The following MYO7A variants were observed in gnomAD, a reference collection of about 807,000 sequenced individuals.
MYO7A encodes unconventional myosin-VIIa.
A neutral mutation model predicts 263.8 loss-of-function variants in MYO7A; 210 were observed. The observed-to-expected ratio is 0.80, with a 90% CI of 0.71 to 0.89. MYO7A has a LOEUF of 0.89. Ranked by LOEUF, MYO7A falls within the 40% of genes least tolerant of loss-of-function variation. The probability of loss-of-function intolerance (pLI) is 0.00; values close to 1 mark genes in which losing one functional copy is unlikely to be tolerated. For synonymous variants in MYO7A, 1,239 were observed against 1,197.3 expected (o/e 1.03, Z -0.72); for missense variants, 2,820 against 2,968.3 (o/e 0.95, Z 1.16).
In MYO7A at chr11:77,136,463, G is replaced by A. The variant is rs141627772; in HGVS notation, c.18+5811G>A. Among the ~76,000 whole-genome samples the A allele has an allele frequency of 5.4e-3, 821 of 152,146 alleles. 11 individuals carry two copies. Among genetic ancestry groups the A allele is most frequent in the African/African-American group, 0.017 (713 of 41,492 alleles). On this transcript the variant is annotated intron_variant, in intron 2 of 48. Coordinates refer to ENST00000409709, the MANE Select transcript of MYO7A (RefSeq NM_000260.4). ...GGGGACCTCTCTTTAGCCACCAGCC[G>A]CCAGACTTACTTTACAATCTCTTCC...
chr11:77,150,326 C>T (rs1555056530), intron 4 of MYO7A, among the ~76,000 whole-genome samples: 1 of 152,192 alleles, frequency 6.6e-6, no homozygotes, highest in Non-Finnish European at 1.5e-5. Flanking sequence ...AGGTCAGCTG[C>T]ATCAAGGAAC....
Position 77,211,816 on chromosome 11 carries a change from C to T in MYO7A, c.6238-5C>T. 6.2e-7 allele frequency: 1 copy of T among 1,612,902 alleles called. No individual in the cohort carries two copies. The highest frequency in any genetic ancestry group is 8.5e-7 in the Non-Finnish European group (1 of 1,178,986). On this transcript the variant is annotated splice_polypyrimidine_tract_variant and splice_region_variant and intron_variant, in intron 45 of 48. Coordinates refer to ENST00000409709, the MANE Select transcript of MYO7A (RefSeq NM_000260.4). ...AGCCCAGCCCTGACCGCCCTGTCCC[C>T]ATAGTCCATCGTCGCCTACTTCAAC...
chr11:77,213,761 G>A, intron 47 of MYO7A, 99 bp from the exon 48 acceptor site: 1 of 1,552,540 alleles, frequency 6.4e-7, no homozygotes, highest in Non-Finnish European at 8.8e-7. Context: ...CCGGCCATGG[G>A]CTCCTCTGAG....
intron 2 of MYO7A, among the ~76,000 whole-genome samples, chr11:77,141,675 G>C (rs1480894406): frequency 3.3e-5 from 5 of 152,146 alleles, no homozygotes; most frequent in Non-Finnish European, 7.4e-5. Flanking sequence ...TTCTGCCGCA[G>C]GGCCTTTGCA....
chr11:77,160,474 G>T (rs543493181), intron 11 of MYO7A, among the ~76,000 whole-genome samples, 192 bp downstream of exon 11: 1 of 152,188 alleles, frequency 6.6e-6, no homozygotes, highest in African/African-American at 2.4e-5. Context: ...AGCTCTGGCC[G>T]CCCCAGGCCC....
Position 77,156,768 on chromosome 11 carries a change from C to T in MYO7A, c.579C>T (p.Thr193=), listed in dbSNP as rs1244521245. 9 of 1,613,852 alleles carry T rather than the reference C, an allele frequency of 5.6e-6. No individual in the cohort carries two copies. In the South Asian group the frequency reaches 6.6e-5, roughly 12 times the overall value. Reference sequence around the variant, plus strand: ...TTGAGCAGCAGGTCTTGGAGGCCACCCCCATTCTGGAAGGTAGGACCAGAG... The same window carrying T: ...TTGAGCAGCAGGTCTTGGAGGCCACTCCCATTCTGGAAGGTAGGACCAGAG... ...SWIEQQVLEA[T]PILEAFGNAK... is the part of the protein sequence containing the mutation. The change falls in exon 6 of 49, where the codon ACC becomes ACT. Residue 193 remains threonine (T), a synonymous_variant. Coordinates refer to ENST00000409709, the MANE Select transcript of MYO7A (RefSeq NM_000260.4).
chr11:77,195,638 G>A (rs1380234688), intron 32 of MYO7A, among the ~76,000 whole-genome samples: 1 of 152,240 alleles, frequency 6.6e-6, no homozygotes, highest in Non-Finnish European at 1.5e-5. Flanking sequence ...GACAGACATG[G>A]TTTCTGCCCT....
rs782468194 is a variant in MYO7A at position 77,183,080 on chromosome 11, G to C, written c.3298G>C (p.Glu1100Gln). 2 of 1,551,274 alleles carry C rather than the reference G, an allele frequency of 1.3e-6. No individual in the cohort carries two copies. Among genetic ancestry groups the C allele is most frequent in the East Asian group, 2.4e-5 (1 of 40,956 alleles). ...LQGEGEAQLP[E>Q]GQKKSSVRHK... ...GCTGGTCCTGCAGGCCCAGCTCCCCGAGGGCCAGAAGAAGAGCAGTGTGAG... is the reference window on the plus strand; with the variant it reads ...GCTGGTCCTGCAGGCCCAGCTCCCCCAGGGCCAGAAGAAGAGCAGTGTGAG... The change falls in exon 26 of 49, where the codon GAG becomes CAG. Residue 1100 changes from glutamate to glutamine, a missense_variant. Coordinates refer to ENST00000409709, the MANE Select transcript of MYO7A (RefSeq NM_000260.4).
chr11:77,200,032 G>C (rs1956953475), intron 35 of MYO7A, among the ~76,000 whole-genome samples: 1 of 152,206 alleles, frequency 6.6e-6, no homozygotes, highest in Non-Finnish European at 1.5e-5. Flanking sequence ...GCTTTGGGAG[G>C]CTGAGATGGG....
intron 4 of MYO7A, among the ~76,000 whole-genome samples, chr11:77,155,536 C>T (rs919158779): frequency 2.6e-5 from 4 of 152,202 alleles, no homozygotes; most frequent in Non-Finnish European, 5.9e-5. Flanking sequence ...GGCCTGGAGG[C>T]GATGGTGGGA....
intron 28 of MYO7A, 103 bp from the exon 29 acceptor site, chr11:77,189,917 G>A (rs1484613001): frequency 2.8e-6 from 4 of 1,438,276 alleles, no homozygotes; most frequent in Non-Finnish European, 3.7e-6. Flanking sequence ...AAAGCAACCT[G>A]GCCTGGAGGA....
At position 77,179,758 on chromosome 11, in the gene MYO7A, G is replaced by A; in HGVS notation, c.2391G>A (p.Leu797=). The change falls in exon 21 of 49, where the codon CTG becomes CTA. Residue 797 remains leucine, a synonymous_variant. Transcript: ENST00000409709. ...YGLMRLGFLR[L]QALHRSRKLH... ...AGATGCGTCTGGGCTTCCTGCGGCT[G>A]CAGGCCCTGCACCGCTCCCGGAAGC... 1 of 1,545,426 alleles carries A rather than the reference G, an allele frequency of 6.5e-7. No homozygotes were observed. The highest frequency in any genetic ancestry group is 8.7e-7 in the Non-Finnish European group (1 of 1,145,364).
rs377670513 is a variant in MYO7A, at chr11:77,211,909, C to G, written c.6326C>G (p.Thr2109Ser). Residue 2109 changes from threonine to serine, a missense_variant, in exon 46 of 49, where the codon ACC becomes AGC. Coordinates refer to ENST00000409709, the MANE Select transcript of MYO7A (RefSeq NM_000260.4). The stretch of plus-strand genomic sequence containing the variant: ...CTGAAGCTCATCTTCAAGTGGCCCA[C>G]CTTTGGCTCAGCCTTCTTCGAGGTG... ...AFLKLIFKWP[T>S]FGSAFFEVKQ... The G allele has an allele frequency of 1.9e-6, 3 of 1,613,948 alleles. No individual in the cohort carries two copies. Among genetic ancestry groups the G allele is most frequent in the Non-Finnish European group, 2.5e-6 (3 of 1,179,838 alleles).
At chr11:77,201,743 G>A in intron 36 of MYO7A, 105 bp downstream of exon 36, 1 of 1,251,824 alleles carries the variant, frequency 8.0e-7, no homozygotes, top group Non-Finnish European at 1.1e-6. Context: ...CATCTGTGAA[G>A]ATGATCTTGG....
Position 77,179,754 on chromosome 11 carries a change from G to A in MYO7A, c.2387G>A (p.Arg796Gln), listed in dbSNP as rs111033224. The change falls in exon 21 of 49, where the codon CGG becomes CAG. Residue 796 changes from arginine to glutamine, a missense_variant. Arg to Gln is a conservative substitution (Grantham distance 43). Coordinates refer to ENST00000409709, the MANE Select transcript of MYO7A (RefSeq NM_000260.4). ...TTGCAGATGCGTCTGGGCTTCCTGC[G>A]GCTGCAGGCCCTGCACCGCTCCCGG... ...NYGLMRLGFL[R>Q]LQALHRSRKL... 4.7e-5 allele frequency: 73 copies of A among 1,544,640 alleles called. No individual in the cohort carries two copies. The highest frequency in any genetic ancestry group is 1.6e-4 in the African/African-American group (12 of 73,218).
At position 77,162,848 on chromosome 11, in the gene MYO7A, C is replaced by T. The variant is rs569844918; in HGVS notation, c.1555-5C>T. Reference sequence around the variant, plus strand: ...TGGGCTCACAGCTGCCCCTCCACTCCCCAGGGCACAGACACCACCATGTTA... The same window carrying T: ...TGGGCTCACAGCTGCCCCTCCACTCTCCAGGGCACAGACACCACCATGTTA... On this transcript the variant is annotated splice_polypyrimidine_tract_variant and splice_region_variant and intron_variant, in intron 13 of 48. Coordinates refer to ENST00000409709, the MANE Select transcript of MYO7A (RefSeq NM_000260.4). The T allele has an allele frequency of 6.2e-7, 1 of 1,613,036 alleles. No homozygotes were observed. The highest frequency in any genetic ancestry group is 1.3e-5 in the African/African-American group (1 of 74,918).
At chr11:77,201,677 A>G (rs1476792520) in intron 36 of MYO7A, 39 bp downstream of exon 36, 2 of 1,593,076 alleles carry the variant, frequency 1.3e-6, no homozygotes, top group Non-Finnish European at 1.7e-6. Context: ...GGGAGGTGCC[A>G]TTAGACCCCT....
intron 27 of MYO7A, among the ~76,000 whole-genome samples, chr11:77,186,015 C>A (rs1171597545): frequency 6.6e-6 from 1 of 151,672 alleles, no homozygotes; most frequent in Non-Finnish European, 1.5e-5. Context: ...CTCTGCCTCC[C>A]GGGTTCAAGC....
Position 77,156,036 on chromosome 11 carries a change from G to A in MYO7A, c.415G>A (p.Asp139Asn), listed in dbSNP as rs782324007. 3 of 1,613,956 alleles carry A rather than the reference G, an allele frequency of 1.9e-6. No homozygotes were observed. Among genetic ancestry groups the A allele is most frequent in the Non-Finnish European group, 2.5e-6 (3 of 1,179,892 alleles). The change falls in exon 5 of 49, where the codon GAC becomes AAC. Residue 139 changes from aspartate to asparagine, a missense_variant. By Grantham distance (23) the Asp-to-Asn change is conservative. Transcript: ENST00000409709. ...EMPPHIFAIADNCYFNMKRNS... is the reference protein window; with the variant it reads ...EMPPHIFAIANNCYFNMKRNS... The stretch of plus-strand genomic sequence containing the variant: ...GCCCCCCCACATCTTTGCCATTGCT[G>A]ACAACTGCTACTTCAACATGAAACG...
Sources: allele counts gnomAD v4.1 joint callset (sites outside exome capture counted in the v4.1 genomes callset), GRCh38; gene constraint gnomAD v4.1.1; transcripts MANE v1.5; gene names NCBI Gene and HGNC (gene_info 2026-07-23, HGNC 2026-07-21).